Variants in SCARA5 observed in about 807,000 individuals in gnomAD.
SCARA5 encodes scavenger receptor class A member 5.
A neutral mutation model predicts 46.3 loss-of-function variants in SCARA5; 45 were observed. The observed-to-expected ratio is 0.97, with a 90% confidence interval of 0.76 to 1.24. The LOEUF (loss-of-function observed/expected upper bound fraction) is 1.24. Among genes scored for constraint, SCARA5 ranks in the 50% most tolerant of loss-of-function variants. The pLI is 0.00. For synonymous variants in SCARA5, 333 were observed against 306.5 expected (o/e 1.09, Z -0.90); for missense variants, 680 against 689.0 (o/e 0.99, Z 0.15).
rs556960833 is a variant in SCARA5, at chr8:27,871,789, C to A, written c.*145G>T. 1 of 1,492,824 alleles carries A rather than the reference C, an allele frequency of 6.7e-7. No individual in the cohort carries two copies. Among genetic ancestry groups the A allele is most frequent in the Non-Finnish European group, 8.9e-7 (1 of 1,123,398 alleles). 92.5% of individuals were successfully genotyped at this position (1,492,824 alleles called of 1,614,324 possible). A position where few individuals can be genotyped will look rare whatever the true frequency, so the allele number is the denominator to read the frequency against. The stretch of plus-strand genomic sequence containing the variant: ...AGAGGGAAATGACGACCGGCCCCCA[C>A]GGTCCTGGGATGCAGGTGTGAGGAC... On this transcript the variant is annotated 3_prime_UTR_variant, in exon 9 of 9. Coordinates refer to ENST00000354914, the MANE Select transcript of SCARA5 (RefSeq NM_173833.6).
chr8:27,921,835 C>T lies in SCARA5; in HGVS notation c.652G>A (p.Glu218Lys), dbSNP rs1219972109. The change falls in exon 4 of 9, where the codon GAG becomes AAG. Residue 218 changes from glutamate to lysine, a missense_variant. Transcript: ENST00000354914. ...GLARRVGILGEELADVGGVLR... is the reference protein window; with the variant it reads ...GLARRVGILGKELADVGGVLR... ...ACGCCGCCCACGTCGGCCAGCTCCTCGCCCAGGATGCCCACCCTGCGCGCC... is the reference window on the plus strand; with the variant it reads ...ACGCCGCCCACGTCGGCCAGCTCCTTGCCCAGGATGCCCACCCTGCGCGCC... The T allele has an allele frequency of 4.5e-6, 7 of 1,543,252 alleles. No individual in the cohort carries two copies. The highest frequency in any genetic ancestry group is 1.4e-5 in the African/African-American group (1 of 72,678).
intron 8 of SCARA5, among the ~76,000 whole-genome samples, chr8:27,876,023 C>A (rs1806718697): frequency 6.6e-6 from 1 of 151,916 alleles, no homozygotes; most frequent in African/African-American, 2.4e-5. Context: ...AAGAAAGATC[C>A]CCAGCAGCCA....
intron 4 of SCARA5, among the ~76,000 whole-genome samples, chr8:27,917,158 G>A (rs1264940218): frequency 6.6e-6 from 1 of 152,210 alleles, no homozygotes; most frequent in Non-Finnish European, 1.5e-5. Flanking sequence ...ATGGCATTTT[G>A]TTATGGCAGC....
intron 7 of SCARA5, among the ~76,000 whole-genome samples, chr8:27,883,327 T>C (rs1039810419): frequency 2.6e-5 from 4 of 152,170 alleles, no homozygotes; most frequent in Non-Finnish European, 4.4e-5. Context: ...GTGAAACACA[T>C]GGTCAGTGCC....
chr8:27,944,891 C>T (rs537033678), intron 3 of SCARA5, among the ~76,000 whole-genome samples: 5 of 151,930 alleles, frequency 3.3e-5, no homozygotes, highest in African/African-American at 7.2e-5. Flanking sequence ...TGAGGTCAGG[C>T]GCTGTGACTC....
intron 7 of SCARA5, among the ~76,000 whole-genome samples, chr8:27,896,644 G>T (rs1036653385): frequency 6.6e-6 from 1 of 152,078 alleles, no homozygotes; most frequent in African/African-American, 2.4e-5. Flanking sequence ...GGGGACCCAG[G>T]CACCATGACA....
intron 7 of SCARA5, among the ~76,000 whole-genome samples, chr8:27,890,629 C>T (rs1453440709): frequency 6.6e-6 from 1 of 152,142 alleles, no homozygotes; most frequent in Non-Finnish European, 1.5e-5. Flanking sequence ...CCTCCAGTGC[C>T]TGCATATTCA....
intron 5 of SCARA5, among the ~76,000 whole-genome samples, chr8:27,908,203 C>A (rs1374884571): frequency 1.3e-5 from 2 of 152,088 alleles, no homozygotes; most frequent in Non-Finnish European, 2.9e-5. Context: ...GGAAAAAAAA[C>A]ACAAAAAGAT....
intron 4 of SCARA5, among the ~76,000 whole-genome samples, chr8:27,912,297 G>A (rs1296859031): frequency 6.6e-6 from 1 of 152,200 alleles, no homozygotes; most frequent in Non-Finnish European, 1.5e-5. Flanking sequence ...AGATTGAGAT[G>A]TACTGATAAC....
chr8:27,879,474 G>A, intron 8 of SCARA5, 95 bp downstream of exon 8: 1 of 1,248,800 alleles, frequency 8.0e-7, no homozygotes, highest in Admixed American at 1.8e-5. Flanking sequence ...GGACCTCGCG[G>A]AATTGCAGTG....
chr8:27,961,710 C>A (rs1808297178), intron 3 of SCARA5, among the ~76,000 whole-genome samples: 1 of 152,104 alleles, frequency 6.6e-6, no homozygotes, highest in Admixed American at 6.6e-5. Context: ...CACGGTCCTG[C>A]CTGTCTCAAT....
intron 4 of SCARA5, among the ~76,000 whole-genome samples, chr8:27,912,511 G>A (rs1807393861): frequency 6.6e-6 from 1 of 152,208 alleles, no homozygotes; most frequent in Non-Finnish European, 1.5e-5. Context: ...GACCAAAGAT[G>A]GCACAGAAAC....
At chr8:27,909,589 T>C (rs1807337682) in intron 5 of SCARA5, 74 bp downstream of exon 5, 1 of 1,087,244 alleles carries the variant, frequency 9.2e-7, no homozygotes, top group Non-Finnish European at 1.4e-6. Context: ...CTGGCATTTA[T>C]ACCATCAAGA....
At chr8:27,924,004 T>A (rs1431599175) in intron 3 of SCARA5, among the ~76,000 whole-genome samples, 1 of 152,214 alleles carries the variant, frequency 6.6e-6, no homozygotes, top group African/African-American at 2.4e-5. Context: ...AGAACAGTGA[T>A]GTGTGTCTTC....
chr8:27,901,458 C>A (rs539047522), intron 7 of SCARA5, among the ~76,000 whole-genome samples: 1 of 152,088 alleles, frequency 6.6e-6, no homozygotes, highest in Non-Finnish European at 1.5e-5. Context: ...CTTCCCAGGG[C>A]GCAGGGAATG....
chr8:27,955,451 G>T (rs1808193183), intron 3 of SCARA5, among the ~76,000 whole-genome samples: 1 of 152,216 alleles, frequency 6.6e-6, no homozygotes, highest in Non-Finnish European at 1.5e-5. Flanking sequence ...ACTCTGGGCT[G>T]CACAGAGGAA....
At chr8:27,932,839 C>T (rs1807797899) in intron 3 of SCARA5, among the ~76,000 whole-genome samples, 1 of 152,162 alleles carries the variant, frequency 6.6e-6, no homozygotes, top group African/African-American at 2.4e-5. Context: ...TCATATTGGC[C>T]AGGGTGGGCT....
At position 27,872,015 on chromosome 8, in the gene SCARA5, G is replaced by A. The variant is rs61737291; in HGVS notation, c.1407C>T (p.Ile469=). Reference sequence around the variant, plus strand: ...CCCATTTGGAGAAGCTGCAGCGGAAGATGGTTTCCTCTGTGCCCTTGCAGG... The same window carrying A: ...CCCATTTGGAGAAGCTGCAGCGGAAAATGGTTTCCTCTGTGCCCTTGCAGG... ...DVACKGTEET[I]FRCSFSKWGV... Residue 469 remains isoleucine, a synonymous_variant, in exon 9 of 9, where the codon ATC becomes ATT. Transcript: ENST00000354914. 0.12 allele frequency: 199,382 copies of A among 1,614,144 alleles called. 13,197 individuals are homozygous for A. Among genetic ancestry groups the A allele is most frequent in the East Asian group, 0.22 (9,784 of 44,868 alleles).
chr8:27,918,324 A>C (rs1464993612), intron 4 of SCARA5, among the ~76,000 whole-genome samples: 4 of 152,128 alleles, frequency 2.6e-5, no homozygotes, highest in Non-Finnish European at 5.9e-5. Context: ...GATTCTCCTC[A>C]GGTCCCATTT....
Sources: allele counts gnomAD v4.1 joint callset (sites outside exome capture counted in the v4.1 genomes callset), GRCh38; gene constraint gnomAD v4.1.1; transcripts MANE v1.5; gene names NCBI Gene and HGNC (gene_info 2026-07-23, HGNC 2026-07-21).